Variants in MCPH1 observed in about 807,000 individuals in gnomAD.
MCPH1 encodes the protein microcephalin.
MCPH1 carries 104 observed loss-of-function variants against 84.5 expected under a neutral mutation model. The observed-to-expected ratio is 1.23, with a 90% CI of 1.05 to 1.45. The LOEUF is 1.45. MCPH1 is among the 40% of genes most tolerant of loss of function. The probability of loss-of-function intolerance (pLI) is 0.00; values close to 1 mark genes in which losing one functional copy is unlikely to be tolerated. For synonymous variants in MCPH1, 514 were observed against 366.8 expected, an observed-to-expected ratio of 1.40 and a Z score of -4.58; for missense variants, 1,498 against 1,005.7, an observed-to-expected ratio of 1.49 and a Z score of -6.62.
At chr8:6,642,735 C>T (rs1798014574) in intron 13 of MCPH1, 3 of 539,308 alleles carry the variant, frequency 5.6e-6, no homozygotes, top group South Asian at 2.0e-5. Context: ...GGAACGTGCC[C>T]TGCATCTAAT....
At chr8:6,547,773 T>A (rs1460942780) in intron 12 of MCPH1, among the ~76,000 whole-genome samples, 2 of 151,830 alleles carry the variant, frequency 1.3e-5, no homozygotes, top group East Asian at 3.9e-4. Context: ...GAACAAAAGC[T>A]CCCATGCCGG....
rs199750676 is a variant in MCPH1, at chr8:6,444,758, C to A, written c.1036C>A (p.His346Asn). The part of the protein sequence containing the change: ...LSSTKGHLLI[H>N]SRPRSSSVKR... ...TTCAACAAAAGGCCACCTTTTGATA[C>A]ATTCAAGACCCAGGAGTTCCTCAGT... Residue 346 changes from histidine to asparagine, a missense_variant, in exon 8 of 14, where the codon CAT (histidine) becomes AAT (asparagine). His to Asn is a moderately conservative substitution (Grantham distance 68, BLOSUM62 1). Transcript: ENST00000344683. 6 of 1,614,086 alleles carry A rather than the reference C, an allele frequency of 3.7e-6. No homozygotes were observed. In the African/African-American group the frequency reaches 8.0e-5, roughly 22 times the overall value.
At position 6,553,665 on chromosome 8, in the gene MCPH1, A is replaced by AT. The variant is rs752171739; in HGVS notation, c.2214+53753dup. On this transcript the variant is annotated intron_variant, in intron 12 of 13. Coordinates refer to ENST00000344683, the MANE Select transcript of MCPH1 (RefSeq NM_024596.5). ...ACAAAATCCCTGAAATGGTCTCAAA[A>AT]TTTTTTTTTTTTTTTTTACCTCTCC... Among the ~76,000 whole-genome samples the AT allele has an allele frequency of 4.1e-3, 590 of 142,944 alleles. 3 individuals are homozygous for AT. Among genetic ancestry groups the AT allele is most frequent in the African/African-American group, 0.011 (441 of 39,218 alleles). 93.8% of individuals were successfully genotyped at this position (142,944 alleles called of 152,430 possible).
chr8:6,415,835 A>G (rs1344611931), intron 3 of MCPH1, among the ~76,000 whole-genome samples: 1 of 152,102 alleles, frequency 6.6e-6, no homozygotes, highest in Non-Finnish European at 1.5e-5. Context: ...TCAGTGTGTC[A>G]ATTTATTCAA....
At chr8:6,475,034 A>C (rs1354450504) in intron 9 of MCPH1, among the ~76,000 whole-genome samples, 1 of 152,248 alleles carries the variant, frequency 6.6e-6, no homozygotes, top group East Asian at 1.9e-4. Context: ...CAATTTCCTT[A>C]ATTTCTGGGA....
intron 12 of MCPH1, among the ~76,000 whole-genome samples, chr8:6,605,092 T>C (rs1829655602): frequency 6.6e-6 from 1 of 152,168 alleles, no homozygotes; most frequent in Non-Finnish European, 1.5e-5. Context: ...CCTGTGAGTC[T>C]CAGTGGTCCT....
intron 12 of MCPH1, chr8:6,503,087 GT>G: frequency 6.2e-7 from 1 of 1,614,084 alleles, no homozygotes; most frequent in Non-Finnish European, 8.5e-7. Context: ...AGTTCCTCAG[GT>G]GGACTGGGAT....
chr8:6,594,454 G>A (rs1828765538), intron 12 of MCPH1, among the ~76,000 whole-genome samples: 1 of 152,108 alleles, frequency 6.6e-6, no homozygotes, highest in African/African-American at 2.4e-5. Context: ...CTCATTCGTG[G>A]GCCCTCATAG....
chr8:6,424,437 T>A (rs1297232748), intron 3 of MCPH1, among the ~76,000 whole-genome samples: 1 of 152,118 alleles, frequency 6.6e-6, no homozygotes, highest in Non-Finnish European at 1.5e-5. Context: ...AGGCCGACAT[T>A]AGGGGCTTAC....
In MCPH1 at chr8:6,439,033, C is replaced by T. The variant is rs779945146; in HGVS notation, c.517C>T (p.His173Tyr). 6.2e-7 allele frequency: 1 copy of T among 1,612,952 alleles called. No individual in the cohort carries two copies. Among genetic ancestry groups the T allele is most frequent in the East Asian group, 2.2e-5 (1 of 44,836 alleles). ...TPTIEINSRH[H>Y]SAMEKRLQEM... Reference sequence around the variant, plus strand: ...CACAATTGAAATTAATAGTAGGCACCACAGCGCAATGGAGAAGAGATTACA... The same window carrying T: ...CACAATTGAAATTAATAGTAGGCACTACAGCGCAATGGAGAAGAGATTACA... The change falls in exon 6 of 14, where the codon CAC becomes TAC. Residue 173 changes from histidine to tyrosine, a missense_variant. Coordinates refer to ENST00000344683, the MANE Select transcript of MCPH1 (RefSeq NM_024596.5).
chr8:6,548,987 A>G (rs995622782), intron 12 of MCPH1, among the ~76,000 whole-genome samples: 1 of 152,230 alleles, frequency 6.6e-6, no homozygotes, highest in South Asian at 2.1e-4. Context: ...GAATCAATCT[A>G]TTCCTCAAAA....
chr8:6,529,214 C>G (rs1818974775), intron 12 of MCPH1, among the ~76,000 whole-genome samples: 2 of 152,112 alleles, frequency 1.3e-5, no homozygotes, highest in Admixed American at 6.6e-5. Flanking sequence ...TGTAAATTAC[C>G]CAGGCCAGGT....
At chr8:6,480,981 G>T in intron 11 of MCPH1, 105 bp downstream of exon 11, 1 of 1,307,856 alleles carries the variant, frequency 7.6e-7, no homozygotes, top group East Asian at 2.3e-5. Context: ...CACCCTTGTG[G>T]ATCTGCACAC....
intron 12 of MCPH1, among the ~76,000 whole-genome samples, chr8:6,589,211 T>G (rs1828248228): frequency 6.6e-6 from 1 of 152,216 alleles, no homozygotes. Context: ...TTTACAGAGC[T>G]CACCTTAATC....
In MCPH1 at chr8:6,531,671, C is replaced by T. The variant is rs1349321773; in HGVS notation, c.2214+31742C>T. Reference sequence around the variant, plus strand: ...ATCTCACAGTGGAAAGAGAACTTAGCAATCACTTGTCTGGCCCAACCCTTT... The same window carrying T: ...ATCTCACAGTGGAAAGAGAACTTAGTAATCACTTGTCTGGCCCAACCCTTT... On this transcript the variant is annotated intron_variant, in intron 12 of 13. Transcript: ENST00000344683. Among the ~76,000 whole-genome samples, 9 of 152,308 alleles carry T rather than the reference C, an allele frequency of 5.9e-5. No individual in the cohort carries two copies. The East Asian group carries it at 1.4e-3, about 23-fold the overall frequency.
At chr8:6,429,880 C>T (rs1801592930) in intron 3 of MCPH1, among the ~76,000 whole-genome samples, 1 of 152,162 alleles carries the variant, frequency 6.6e-6, no homozygotes, top group Admixed American at 6.5e-5. Flanking sequence ...TCCCCATGCC[C>T]CAGACCCACA....
At chr8:6,611,988 C>G (rs1077702) in intron 12 of MCPH1, among the ~76,000 whole-genome samples, 75,818 of 151,952 alleles carry the variant, frequency 0.5, 19,406 homozygotes, top group Middle Eastern at 0.56. Flanking sequence ...TTGAGTGAAC[C>G]CCAGACCTTG....
At chr8:6,418,839 C>G (rs1975619) in intron 3 of MCPH1, among the ~76,000 whole-genome samples, 10,180 of 152,098 alleles carry the variant, frequency 0.067, 850 homozygotes, top group African/African-American at 0.2. Flanking sequence ...CTCAGCCTCC[C>G]AAAGTACTGG....
chr8:6,430,600 A>G (rs965590905), intron 3 of MCPH1, among the ~76,000 whole-genome samples: 1 of 152,180 alleles, frequency 6.6e-6, no homozygotes, highest in African/African-American at 2.4e-5. Flanking sequence ...CAATATGGAT[A>G]TGTGTTTTTT....
Sources: allele counts gnomAD v4.1 joint callset (sites outside exome capture counted in the v4.1 genomes callset), GRCh38; gene constraint gnomAD v4.1.1; transcripts MANE v1.5; gene names NCBI Gene and HGNC (gene_info 2026-07-23, HGNC 2026-07-21).